The following PRSS55 variants were observed in gnomAD, a reference collection of about 807,000 sequenced individuals.
The protein encoded by PRSS55 is serine protease 55.
Under a neutral mutation model 23.6 loss-of-function variants are expected in PRSS55, and 41 were observed. That is an observed-to-expected ratio of 1.74 (90% CI 1.35 to 2.26). The LOEUF (loss-of-function observed/expected upper bound fraction) is 2.26, where lower values mean the gene tolerates loss of function less well. PRSS55 is among the 30% of genes most tolerant of loss of function. The pLI, the probability that PRSS55 is intolerant of heterozygous loss-of-function variation, is 0.00. For synonymous variants in PRSS55, 262 were observed against 175.5 expected, an observed-to-expected ratio of 1.49 and a Z score of -3.90; for missense variants, 669 against 439.1, an observed-to-expected ratio of 1.52 and a Z score of -4.68.
rs1812783489 is a variant in PRSS55 at position 10,545,093 on chromosome 8, T to C, written c.742-8850T>C. 11 of 745,400 alleles carry C rather than the reference T, an allele frequency of 1.5e-5. No individual in the cohort carries two copies. The South Asian group carries it at 6.7e-4, about 45-fold the overall frequency. The allele number at this position is 745,400 out of a possible 1,614,324, so 46.2% of individuals were successfully genotyped here. ...GACCAGGGCTTTTGGTTTTTGGTTT[T>C]GCTTCGAAATTTCCAACTTATTTCA... is the stretch of plus-strand genomic sequence containing the variant. On this transcript the variant is annotated intron_variant, in intron 4 of 4. Transcript: ENST00000522210.
At chr8:10,538,065 T>C (rs1812516980) in intron 4 of PRSS55, among the ~76,000 whole-genome samples, 1 of 152,136 alleles carries the variant, frequency 6.6e-6, no homozygotes, top group Non-Finnish European at 1.5e-5. Flanking sequence ...GAGACCCAGT[T>C]CTTAGCCCTG....
intron 1 of PRSS55, among the ~76,000 whole-genome samples, chr8:10,528,604 C>A (rs1432484803): frequency 6.6e-6 from 1 of 152,204 alleles, no homozygotes; most frequent in Non-Finnish European, 1.5e-5. Flanking sequence ...AGCTGCTCAG[C>A]CTTGACTAGC....
downstream of PRSS55, chr8:10,541,332 G>A (rs1384350178): frequency 6.6e-6 from 1 of 152,240 alleles, no homozygotes; most frequent in Non-Finnish European, 1.5e-5. Flanking sequence ...ATAATGGGGT[G>A]AGCCTCATCC....
intron 4 of PRSS55, among the ~76,000 whole-genome samples, chr8:10,535,968 C>T (rs182415235): frequency 3.9e-5 from 6 of 152,182 alleles, no homozygotes; most frequent in African/African-American, 9.7e-5. Context: ...CGGCGGATCA[C>T]GAGGTCAGGA....
Position 10,525,541 on chromosome 8 carries a change from G to T in PRSS55, c.-45G>T. 2 of 1,594,576 alleles carry T rather than the reference G, an allele frequency of 1.3e-6. No individual in the cohort carries two copies. The highest frequency in any genetic ancestry group is 8.6e-7 in the Non-Finnish European group (1 of 1,167,176). On this transcript the variant is annotated 5_prime_UTR_variant, in exon 1 of 5. Transcript: ENST00000328655. ...GGAGGCTCTCAGCCTCACTGCCTCA[G>T]CCCTGGCCTCTGTCACCCCCGGGCC... is the stretch of plus-strand genomic sequence containing the variant.
At chr8:10,536,517 C>T (rs892069439) in intron 4 of PRSS55, among the ~76,000 whole-genome samples, 3 of 152,112 alleles carry the variant, frequency 2.0e-5, no homozygotes, top group Non-Finnish European at 2.9e-5. Context: ...AATACTGGTA[C>T]AGACCGAAAG....
intron 4 of PRSS55, among the ~76,000 whole-genome samples, chr8:10,544,630 T>C (rs982840234): frequency 2.6e-5 from 4 of 152,216 alleles, no homozygotes; most frequent in Non-Finnish European, 5.9e-5. Flanking sequence ...CAATATTTTC[T>C]AGTGTAGCAT....
intron 2 of PRSS55, among the ~76,000 whole-genome samples, chr8:10,530,068 GA>G (rs1812194746): frequency 6.6e-6 from 1 of 152,236 alleles, no homozygotes; most frequent in African/African-American, 2.4e-5. Flanking sequence ...TGGGCCACCT[GA>G]CCCCCTACTC....
chr8:10,541,146 A>T (rs1812645050), downstream of PRSS55: 1 of 152,400 alleles, frequency 6.6e-6, no homozygotes, highest in South Asian at 2.1e-4. Context: ...GTTATCAGGA[A>T]CAAGACTGAC....
At chr8:10,538,906 G>C, downstream of PRSS55, 2 of 1,128,180 alleles carry the variant, frequency 1.8e-6, no homozygotes, top group Non-Finnish European at 2.5e-6. Flanking sequence ...GCTGGGACCA[G>C]GAGGACCAGA....
At chr8:10,540,139 C>G (rs751312893), downstream of PRSS55, 1 of 152,336 alleles carries the variant, frequency 6.6e-6, no homozygotes, top group Non-Finnish European at 1.5e-5. Flanking sequence ...ATGCCCCCGC[C>G]GCTCGCACCA....
intron 4 of PRSS55, among the ~76,000 whole-genome samples, chr8:10,536,078 C>A (rs1383720688): frequency 6.6e-6 from 1 of 151,968 alleles, no homozygotes; most frequent in African/African-American, 2.4e-5. Flanking sequence ...CCCAGCTACT[C>A]GGGGGGCTGA....
chr8:10,540,125 T>G (rs1171253057), downstream of PRSS55: 1 of 152,334 alleles, frequency 6.6e-6, no homozygotes, highest in Non-Finnish European at 1.5e-5. Context: ...CACCAGCGTG[T>G]GGGATGCCCC....
intron 1 of PRSS55, among the ~76,000 whole-genome samples, chr8:10,528,535 G>A (rs1002910201): frequency 2.0e-4 from 30 of 152,206 alleles, no homozygotes; most frequent in Admixed American, 1.8e-3. Flanking sequence ...TGTCCGGAAG[G>A]GGCATTTCCT....
intron 4 of PRSS55, among the ~76,000 whole-genome samples, chr8:10,536,977 A>G (rs1026211451): frequency 2.0e-5 from 3 of 152,162 alleles, no homozygotes; most frequent in Non-Finnish European, 4.4e-5. Context: ...GTGGCATGCA[A>G]TTTACTCACA....
At chr8:10,532,853 C>A (rs548958262) in intron 3 of PRSS55, 53 bp from the exon 4 acceptor site, 1 of 1,609,202 alleles carries the variant, frequency 6.2e-7, no homozygotes, top group Non-Finnish European at 8.5e-7. Flanking sequence ...GCATCACGAA[C>A]GTGGGGACAT....
At chr8:10,528,765 G>A (rs531703638) in intron 1 of PRSS55, among the ~76,000 whole-genome samples, 1 of 152,244 alleles carries the variant, frequency 6.6e-6, no homozygotes, top group African/African-American at 2.4e-5. Context: ...CAGAGCTCCA[G>A]CAAAGGCCTT....
At chr8:10,554,155 G>C (rs533855680) in exon 5 of PRSS55, 3 of 569,418 alleles carry the variant, frequency 5.3e-6, no homozygotes, top group Non-Finnish European at 5.9e-6. Context: ...ATGAATAAAA[G>C]CCTCCCCATT....
chr8:10,528,592 G>A (rs940107531), intron 1 of PRSS55, among the ~76,000 whole-genome samples: 3 of 152,204 alleles, frequency 2.0e-5, no homozygotes, highest in African/African-American at 7.2e-5. Context: ...CCTAAGTAAA[G>A]GAGCTGCTCA....
Sources: allele counts gnomAD v4.1 joint callset (sites outside exome capture counted in the v4.1 genomes callset), GRCh38; gene constraint gnomAD v4.1.1; transcripts MANE v1.5; gene names NCBI Gene and HGNC (gene_info 2026-07-23, HGNC 2026-07-21).